The following OXSR1 variants were observed in gnomAD, a reference collection of about 807,000 sequenced individuals.
The protein encoded by OXSR1 is serine/threonine-protein kinase OSR1.
OXSR1 carries 24 observed loss-of-function variants against 79.8 expected under a neutral mutation model. The observed-to-expected ratio is 0.30, with a 90% CI of 0.22 to 0.42. The LOEUF (loss-of-function observed/expected upper bound fraction) is 0.42, where lower values mean the gene tolerates loss of function less well. Ranked by LOEUF, OXSR1 falls within the 10% of genes least tolerant of loss-of-function variation. The probability of loss-of-function intolerance (pLI) is 1.00; values close to 1 mark genes in which losing one functional copy is unlikely to be tolerated. For missense variants in OXSR1, 430 were observed against 618.4 expected (o/e 0.70, Z 3.23); for synonymous variants, 226 against 209.2 (o/e 1.08, Z -0.69).
chr3:38,188,325 CTTCCCTT>C (rs1701921134), intron 2 of OXSR1, among the ~76,000 whole-genome samples: 1 of 152,210 alleles, frequency 6.6e-6, no homozygotes, highest in South Asian at 2.1e-4. Context: ...TATCTCGACT[CTTCCCTT>C]TTCATTCATA....
chr3:38,194,182 T>C (rs1216766651), intron 3 of OXSR1, among the ~76,000 whole-genome samples: 1 of 152,208 alleles, frequency 6.6e-6, no homozygotes, highest in African/African-American at 2.4e-5. Context: ...CTTAACCTTA[T>C]TGAGGGAGAA....
rs183299227 is a variant in OXSR1, at chr3:38,204,847, C to A, written c.434+5984C>A. On this transcript the variant is annotated intron_variant, in intron 4 of 17. Transcript: ENST00000311806. ...GTGTCTCACTGGGTTGTGTGCTCTG[C>A]AAGTCTACTGGCTCCAAGTCCAGTA... 6.7e-4 allele frequency among the ~76,000 whole-genome samples: 101 copies of A among 151,580 alleles called. 1 individual carries two copies. Among genetic ancestry groups the A allele is most frequent in the Admixed American group, 4.3e-3 (66 of 15,234 alleles).
intron 3 of OXSR1, among the ~76,000 whole-genome samples, 181 bp from the exon 4 acceptor site, chr3:38,198,541 A>C (rs1026421048): frequency 1.3e-5 from 2 of 152,200 alleles, no homozygotes; most frequent in African/African-American, 2.4e-5. Context: ...TTTTTGTTTT[A>C]GATTGGAATT....
chr3:38,195,772 T>C (rs993497207), intron 3 of OXSR1, among the ~76,000 whole-genome samples: 1 of 152,240 alleles, frequency 6.6e-6, no homozygotes, highest in Admixed American at 6.5e-5. Context: ...GTAATGATTT[T>C]ATTGTACAAT....
chr3:38,190,939 A>G (rs1362135500), intron 3 of OXSR1, 100 bp downstream of exon 3: 3 of 694,702 alleles, frequency 4.3e-6, no homozygotes, highest in South Asian at 1.7e-5. Flanking sequence ...GGACATTTGC[A>G]TTTGAGGAGA....
intron 5 of OXSR1, among the ~76,000 whole-genome samples, chr3:38,217,413 A>G (rs1008249150): frequency 6.6e-6 from 1 of 152,338 alleles, no homozygotes; most frequent in Non-Finnish European, 1.5e-5. Context: ...ACTCGTCCGT[A>G]TCTGTGCCAC....
At position 38,254,450 on chromosome 3, in the gene OXSR1, G is replaced by T. The variant is rs770267510; in HGVS notation, c.*1559G>T. 1.7e-4 allele frequency: 67 copies of T among 388,030 alleles called. No individual in the cohort carries two copies. Among genetic ancestry groups the T allele is most frequent in the Non-Finnish European group, 2.9e-4 (63 of 219,768 alleles). The allele number at this position is 388,030 out of a possible 1,614,324, so 24.0% of individuals were successfully genotyped here. ...GGAGGAAGAGAGGAGATGGATTTCA[G>T]TTGGGAGTTAGGAGGAGAGTAGGTG... On this transcript the variant is annotated 3_prime_UTR_variant, in exon 18 of 18. Transcript: ENST00000311806.
At chr3:38,217,368 T>C (rs1257401941) in intron 5 of OXSR1, among the ~76,000 whole-genome samples, 1 of 152,196 alleles carries the variant, frequency 6.6e-6, no homozygotes, top group Non-Finnish European at 1.5e-5. Flanking sequence ...ATGCATACTG[T>C]TAGACTTTTG....
At chr3:38,179,799 G>A (rs1701747224) in intron 1 of OXSR1, among the ~76,000 whole-genome samples, 1 of 151,054 alleles carries the variant, frequency 6.6e-6, no homozygotes, top group Non-Finnish European at 1.5e-5. Context: ...GCATTTGATT[G>A]GAAATAATCT....
intron 1 of OXSR1, among the ~76,000 whole-genome samples, chr3:38,180,322 A>G (rs1052998492): frequency 1.3e-5 from 2 of 151,794 alleles, no homozygotes; most frequent in African/African-American, 4.8e-5. Context: ...TGTACTCCCC[A>G]TTTCTCCCTC....
intron 1 of OXSR1, among the ~76,000 whole-genome samples, chr3:38,173,251 A>G (rs1050034455): frequency 2.0e-5 from 3 of 152,232 alleles, no homozygotes; most frequent in Non-Finnish European, 2.9e-5. Flanking sequence ...CTAAGCAACT[A>G]AGAATATTGG....
At chr3:38,196,527 G>T (rs541837591) in intron 3 of OXSR1, among the ~76,000 whole-genome samples, 1 of 152,300 alleles carries the variant, frequency 6.6e-6, no homozygotes, top group South Asian at 2.1e-4. Context: ...AAGATAAATT[G>T]TTATGCCAAA....
intron 4 of OXSR1, among the ~76,000 whole-genome samples, chr3:38,204,805 C>G (rs962135417): frequency 2.0e-5 from 3 of 151,812 alleles, no homozygotes; most frequent in Non-Finnish European, 4.4e-5. Flanking sequence ...ACAAGCAGTC[C>G]CTTGGCTGCC....
In OXSR1 at chr3:38,253,169, G is replaced by A; in HGVS notation, c.*278G>A. ...CTGAGAAGTGGCCCATGTGCTTCAAGGCCCAGGAGGGAGATCTGTCAGCTC... is the reference window on the plus strand; with the variant it reads ...CTGAGAAGTGGCCCATGTGCTTCAAAGCCCAGGAGGGAGATCTGTCAGCTC... On this transcript the variant is annotated 3_prime_UTR_variant, in exon 18 of 18. Transcript: ENST00000311806. 2 of 405,360 alleles carry A rather than the reference G, an allele frequency of 4.9e-6. 1 individual carries two copies. The highest frequency in any genetic ancestry group is 7.4e-5 in the South Asian group (2 of 27,050). The allele number at this position is 405,360 out of a possible 1,614,324, so 25.1% of individuals were successfully genotyped here.
intron 1 of OXSR1, among the ~76,000 whole-genome samples, chr3:38,171,077 A>G (rs943364798): frequency 6.6e-6 from 1 of 152,140 alleles, no homozygotes; most frequent in African/African-American, 2.4e-5. Context: ...GTGCCTGGCC[A>G]AGGGAAGTAT....
intron 4 of OXSR1, among the ~76,000 whole-genome samples, chr3:38,203,755 A>T (rs1404377893): frequency 6.6e-6 from 1 of 152,084 alleles, no homozygotes; most frequent in African/African-American, 2.4e-5. Context: ...CCCTGTGGCT[A>T]CCAGCACTGG....
chr3:38,205,866 C>T (rs1184871056), intron 4 of OXSR1, among the ~76,000 whole-genome samples: 1 of 152,144 alleles, frequency 6.6e-6, no homozygotes, highest in East Asian at 1.9e-4. Context: ...AAAGGTTTCT[C>T]AGGTTGATTT....
intron 5 of OXSR1, among the ~76,000 whole-genome samples, chr3:38,218,933 C>A (rs1478007595): frequency 6.6e-6 from 1 of 152,106 alleles, no homozygotes; most frequent in East Asian, 1.9e-4. Flanking sequence ...AATCCTGTCA[C>A]ATAATAGGCA....
intron 1 of OXSR1, among the ~76,000 whole-genome samples, chr3:38,182,314 T>A (rs1004048509): frequency 6.6e-6 from 1 of 152,126 alleles, no homozygotes. Flanking sequence ...GCTGGCGCTG[T>A]GGAGAATCTG....
Sources: allele counts gnomAD v4.1 joint callset (sites outside exome capture counted in the v4.1 genomes callset), GRCh38; gene constraint gnomAD v4.1.1; transcripts MANE v1.5; gene names NCBI Gene and HGNC (gene_info 2026-07-23, HGNC 2026-07-21).